PXDNL: variants seen among roughly 807,000 people sequenced by gnomAD.
The protein encoded by PXDNL is probable oxidoreductase PXDNL.
In PXDNL, 145 loss-of-function variants were observed where a neutral mutation model predicts 150.8. That is an observed-to-expected ratio of 0.96 (90% confidence interval 0.84 to 1.10). PXDNL has a LOEUF of 1.10. Among genes scored for constraint, PXDNL ranks in the 50% least tolerant of loss-of-function variants. The pLI, the probability that PXDNL is intolerant of heterozygous loss-of-function variation, is 0.00. For synonymous variants in PXDNL, 757 were observed against 725.7 expected (o/e 1.04, Z -0.69); for missense variants, 2,087 against 1,873.9 (o/e 1.11, Z -2.10).
rs1585511397 is a variant in PXDNL, at chr8:51,483,627, A to C, written c.524+16T>G. The C allele has an allele frequency of 1.4e-6, 2 of 1,457,570 alleles. No individual in the cohort carries two copies. Among genetic ancestry groups the C allele is most frequent in the Non-Finnish European group, 9.4e-7 (1 of 1,066,904 alleles). 90.3% of individuals were successfully genotyped at this position (1,457,570 alleles called of 1,614,324 possible). On this transcript the variant is annotated intron_variant, in intron 6 of 22. Coordinates refer to ENST00000356297, the MANE Select transcript of PXDNL (RefSeq NM_144651.5). ...TTATAAAAGGTTTTTGTGTTAATGC[A>C]CTTGCTTTCACTTACAATCTTTTTA...
chr8:51,567,200 G>T (rs894741604), intron 3 of PXDNL, among the ~76,000 whole-genome samples: 4 of 151,448 alleles, frequency 2.6e-5, no homozygotes, highest in Admixed American at 2.0e-4. Context: ...ATATAATATG[G>T]TCCTTCTTGG....
chr8:51,383,107 C>A (rs1807598222), intron 17 of PXDNL, among the ~76,000 whole-genome samples: 1 of 152,180 alleles, frequency 6.6e-6, no homozygotes. Flanking sequence ...TCTCCACTTT[C>A]CTTAGAGGGA....
intron 17 of PXDNL, among the ~76,000 whole-genome samples, chr8:51,384,328 T>C (rs554842386): frequency 1.3e-5 from 2 of 151,786 alleles, no homozygotes; most frequent in South Asian, 4.2e-4. Context: ...ATCAGACACA[T>C]GGTACAAAAT....
chr8:51,808,763 A>T (rs2037704542), intron 1 of PXDNL, among the ~76,000 whole-genome samples: 1 of 152,220 alleles, frequency 6.6e-6, no homozygotes, highest in African/African-American at 2.4e-5. Context: ...TTGTCAGCAC[A>T]TAATCAATTG....
At chr8:51,362,783 T>C (rs1439118441) in intron 19 of PXDNL, among the ~76,000 whole-genome samples, 1 of 152,254 alleles carries the variant, frequency 6.6e-6, no homozygotes. Flanking sequence ...AAAAATTATT[T>C]ATAAGCTAGC....
chr8:51,615,262 A>G (rs1814107098), intron 2 of PXDNL, among the ~76,000 whole-genome samples: 1 of 151,852 alleles, frequency 6.6e-6, no homozygotes. Context: ...AAATCCTTAC[A>G]ATTTTTTTCT....
chr8:51,531,090 C>A (rs929522873), intron 4 of PXDNL, among the ~76,000 whole-genome samples: 2 of 152,188 alleles, frequency 1.3e-5, no homozygotes, highest in Non-Finnish European at 2.9e-5. Context: ...AGTCTGTGAG[C>A]CTCTCATCTG....
intron 11 of PXDNL, 29 bp downstream of exon 11, chr8:51,448,973 C>T: frequency 1.1e-5 from 13 of 1,193,868 alleles, no homozygotes; most frequent in Non-Finnish European, 1.6e-5. Flanking sequence ...CTTATTTTTC[C>T]CCACAATTAC....
chr8:51,442,084 T>C (rs188478502), intron 12 of PXDNL, among the ~76,000 whole-genome samples: 205 of 152,178 alleles, frequency 1.3e-3, no homozygotes, highest in African/African-American at 4.6e-3. Context: ...CCATGTGACA[T>C]GGACCCAGGG....
At position 51,508,119 on chromosome 8, in the gene PXDNL, G is replaced by A. The variant is rs534771281; in HGVS notation, c.381-8349C>T. On this transcript the variant is annotated intron_variant, in intron 4 of 22. Coordinates refer to ENST00000356297, the MANE Select transcript of PXDNL (RefSeq NM_144651.5). ...CCAATGGTACTCGATGGCACCAAAA[G>A]GGCTATTGGAAGATGTTACTGTAAA... is the stretch of plus-strand genomic sequence containing the variant. Among the ~76,000 whole-genome samples, 16 of 152,290 alleles carry A rather than the reference G, an allele frequency of 1.1e-4. No homozygotes were observed. The South Asian group carries it at 2.9e-3, about 28-fold the overall frequency.
At chr8:51,603,512 T>C (rs985003722) in intron 2 of PXDNL, among the ~76,000 whole-genome samples, 2 of 152,098 alleles carry the variant, frequency 1.3e-5, no homozygotes, top group African/African-American at 4.8e-5. Context: ...TCATATTTTG[T>C]AACAGATGAC....
At chr8:51,543,691 A>C (rs148238666) in intron 4 of PXDNL, among the ~76,000 whole-genome samples, 2,003 of 146,736 alleles carry the variant, frequency 0.014, 51 homozygotes, top group African/African-American at 0.047. Flanking sequence ...CAGCCTGGTG[A>C]CAGAGCGAGA....
intron 17 of PXDNL, among the ~76,000 whole-genome samples, chr8:51,402,293 G>A (rs751161095): frequency 1.2e-4 from 19 of 152,144 alleles, no homozygotes; most frequent in Non-Finnish European, 2.4e-4. Context: ...ACTTTGGGAG[G>A]CTGAAGCAGA....
chr8:51,730,060 T>C (rs1816888501), intron 1 of PXDNL, among the ~76,000 whole-genome samples: 1 of 152,156 alleles, frequency 6.6e-6, no homozygotes, highest in African/African-American at 2.4e-5. Context: ...ATATATGCCA[T>C]TACACGTCAG....
chr8:51,697,794 A>G (rs28512421), intron 1 of PXDNL, among the ~76,000 whole-genome samples: 115,334 of 152,056 alleles, frequency 0.76, 43,809 homozygotes, highest in East Asian at 0.82. Flanking sequence ...GTTTCAAGGG[A>G]GACATTACAG....
At chr8:51,624,099 C>CCA (rs773987367) in intron 2 of PXDNL, among the ~76,000 whole-genome samples, 1 of 79,584 alleles carries the variant, frequency 1.3e-5, no homozygotes, top group Non-Finnish European at 2.3e-5. Flanking sequence ...TCTCAAATTA[C>CCA]AAAAAAAAAA....
chr8:51,349,739 C>T (rs7832682), intron 19 of PXDNL, among the ~76,000 whole-genome samples: 6,313 of 152,250 alleles, frequency 0.041, 426 homozygotes, highest in African/African-American at 0.14. Context: ...GATTGAGCTA[C>T]AGTAGCTCAG....
chr8:51,547,503 G>A (rs1585569533), intron 4 of PXDNL, among the ~76,000 whole-genome samples: 1 of 152,282 alleles, frequency 6.6e-6, no homozygotes, highest in East Asian at 1.9e-4. Context: ...CCTAAAGACA[G>A]ATCACATCAC....
At chr8:51,745,502 T>C (rs1158148884) in intron 1 of PXDNL, among the ~76,000 whole-genome samples, 1 of 152,194 alleles carries the variant, frequency 6.6e-6, no homozygotes, top group Non-Finnish European at 1.5e-5. Context: ...TATAAAAAGC[T>C]AATTAAAAGA....
Sources: allele counts gnomAD v4.1 joint callset (sites outside exome capture counted in the v4.1 genomes callset), GRCh38; gene constraint gnomAD v4.1.1; transcripts MANE v1.5; gene names NCBI Gene and HGNC (gene_info 2026-07-23, HGNC 2026-07-21).